SOX5: variants seen among roughly 807,000 people sequenced by gnomAD.
The protein encoded by SOX5 is SRY-box transcription factor 5.
A neutral mutation model predicts 92.0 loss-of-function variants in SOX5; 9 were observed. The observed-to-expected ratio is 0.10, with a 90% CI of 0.06 to 0.17. The LOEUF is 0.17. Among genes scored for constraint, SOX5 ranks in the 10% least tolerant of loss-of-function variants. SOX5 has a pLI of 1.00. For missense variants in SOX5, 642 were observed against 944.5 expected, an observed-to-expected ratio of 0.68 and a Z score of 4.20; for synonymous variants, 344 against 336.3, an observed-to-expected ratio of 1.02 and a Z score of -0.25.
intron 3 of SOX5, among the ~76,000 whole-genome samples, chr12:24,258,760 AATAACATATATTGAAGT>A: frequency 6.6e-6 from 1 of 152,234 alleles, no homozygotes; most frequent in Admixed American, 6.5e-5. Flanking sequence ...TTTTAGCAAT[AATAACATATATTGAAGT>A]CTAGATATGT....
At chr12:23,850,450 A>ATAAT (rs2096620499) in intron 2 of SOX5, among the ~76,000 whole-genome samples, 1 of 104,766 alleles carries the variant, frequency 9.5e-6, no homozygotes, top group Non-Finnish European at 1.8e-5. Context: ...AAATAAATAA[A>ATAAT]TAAAAAAAAA....
In SOX5 at chr12:23,575,849, C is replaced by T. The variant is rs1377162787; in HGVS notation, c.1165-11G>A. On this transcript the variant is annotated splice_polypyrimidine_tract_variant and intron_variant, in intron 9 of 14. Coordinates refer to ENST00000451604, the MANE Select transcript of SOX5 (RefSeq NM_006940.6). Reference sequence around the variant, plus strand: ...CTGTGCCACTTCATCCTGCAATGATCATTAGAACATGAGCTGTGATAAGGA... The same window carrying T: ...CTGTGCCACTTCATCCTGCAATGATTATTAGAACATGAGCTGTGATAAGGA... The T allele has an allele frequency of 3.3e-6, 5 of 1,527,968 alleles. No homozygotes were observed. In the South Asian group the frequency reaches 3.9e-5, roughly 12 times the overall value. 94.7% of individuals were successfully genotyped at this position (1,527,968 alleles called of 1,614,324 possible).
At chr12:24,327,635 G>C (rs966137069) in intron 2 of SOX5, among the ~76,000 whole-genome samples, 2 of 151,706 alleles carry the variant, frequency 1.3e-5, no homozygotes, top group African/African-American at 4.8e-5. Context: ...CCAGGCTGGA[G>C]TGCAGTGGCG....
intron 2 of SOX5, among the ~76,000 whole-genome samples, chr12:23,863,977 T>C (rs926944556): frequency 4.4e-4 from 65 of 146,728 alleles, no homozygotes; most frequent in African/African-American, 1.5e-3. Flanking sequence ...TCCACAAATA[T>C]AGCTTTTTTT....
At chr12:24,515,995 T>C (rs1723950108) in intron 1 of SOX5, among the ~76,000 whole-genome samples, 2 of 151,922 alleles carry the variant, frequency 1.3e-5, no homozygotes, top group African/African-American at 2.4e-5. Flanking sequence ...TGGAACAAAA[T>C]AGACATGGAG....
chr12:23,564,730 A>C (rs965780212), intron 10 of SOX5, among the ~76,000 whole-genome samples: 1 of 152,236 alleles, frequency 6.6e-6, no homozygotes, highest in Non-Finnish European at 1.5e-5. Flanking sequence ...GTGTTAGGAA[A>C]GTGTTATTAA....
chr12:23,997,647 TA>T (rs1285434045), intron 4 of SOX5, among the ~76,000 whole-genome samples: 1 of 152,172 alleles, frequency 6.6e-6, no homozygotes, highest in Non-Finnish European at 1.5e-5. Flanking sequence ...GGCGGATTCA[TA>T]AACTATCTGA....
At chr12:23,641,625 G>T (rs1309502430) in intron 7 of SOX5, among the ~76,000 whole-genome samples, 1 of 152,046 alleles carries the variant, frequency 6.6e-6, no homozygotes, top group East Asian at 1.9e-4. Flanking sequence ...AACATACAGA[G>T]AAGCACATAG....
At chr12:24,090,185 C>G (rs958959629) in intron 4 of SOX5, among the ~76,000 whole-genome samples, 14 of 151,954 alleles carry the variant, frequency 9.2e-5, no homozygotes, top group African/African-American at 3.4e-4. Context: ...AAATATTGTC[C>G]TTCTCTTTTC....
chr12:23,669,683 T>C (rs1215004424), intron 6 of SOX5, among the ~76,000 whole-genome samples: 1 of 150,690 alleles, frequency 6.6e-6, no homozygotes, highest in Non-Finnish European at 1.5e-5. Context: ...GAAAAAAAAT[T>C]GCAGTACTCA....
chr12:24,185,635 T>G (rs1046553032), intron 4 of SOX5, among the ~76,000 whole-genome samples: 71 of 152,156 alleles, frequency 4.7e-4, no homozygotes, highest in African/African-American at 1.7e-3. Flanking sequence ...ACTTACTACC[T>G]GTGTGTCCTT....
chr12:23,979,404 A>G (rs1351879494), intron 4 of SOX5, among the ~76,000 whole-genome samples: 1 of 151,894 alleles, frequency 6.6e-6, no homozygotes, highest in Non-Finnish European at 1.5e-5. Flanking sequence ...TCCTATTTTT[A>G]GTAGAGACCA....
intron 4 of SOX5, among the ~76,000 whole-genome samples, chr12:23,742,219 T>A (rs1415120053): frequency 6.6e-6 from 1 of 152,192 alleles, no homozygotes; most frequent in Non-Finnish European, 1.5e-5. Context: ...AAGTAGCAGC[T>A]ATAGTTAGTA....
chr12:23,971,121 C>CTTTTTTTTTTTTT (rs71059953), intron 4 of SOX5, among the ~76,000 whole-genome samples: 2 of 86,234 alleles, frequency 2.3e-5, no homozygotes, highest in African/African-American at 5.4e-5. Context: ...TGTCAGCTGA[C>CTTTTTTTTTTTTT]TTTTTTTTTT....
chr12:23,917,338 C>T (rs999046427), intron 1 of SOX5, among the ~76,000 whole-genome samples: 7 of 151,860 alleles, frequency 4.6e-5, no homozygotes, highest in Admixed American at 6.6e-5. Flanking sequence ...GCCAAGAGTT[C>T]GAGACCAGCC....
At chr12:24,409,515 A>G (rs553604176) in intron 1 of SOX5, among the ~76,000 whole-genome samples, 1 of 152,318 alleles carries the variant, frequency 6.6e-6, no homozygotes, top group East Asian at 1.9e-4. Context: ...AAACATTTAT[A>G]TACAGGTTTT....
chr12:24,090,687 C>T (rs1001856037), intron 4 of SOX5, among the ~76,000 whole-genome samples: 1 of 152,110 alleles, frequency 6.6e-6, no homozygotes, highest in African/African-American at 2.4e-5. Context: ...CCATTTTACC[C>T]CATATACTAT....
intron 1 of SOX5, among the ~76,000 whole-genome samples, chr12:24,404,290 A>G (rs1962430808): frequency 6.6e-6 from 1 of 152,174 alleles, no homozygotes; most frequent in Admixed American, 6.5e-5. Context: ...TATAGGTCAA[A>G]AGCACCAAAA....
intron 2 of SOX5, among the ~76,000 whole-genome samples, chr12:24,303,152 G>A (rs1350447801): frequency 6.6e-6 from 1 of 152,166 alleles, no homozygotes; most frequent in Non-Finnish European, 1.5e-5. Flanking sequence ...CAAAAGGAAG[G>A]AAGGTTGTAT....
Sources: allele counts gnomAD v4.1 joint callset (sites outside exome capture counted in the v4.1 genomes callset), GRCh38; gene constraint gnomAD v4.1.1; transcripts MANE v1.5; gene names NCBI Gene and HGNC (gene_info 2026-07-23, HGNC 2026-07-21).